The following AFMID variants were observed in gnomAD, a reference collection of about 807,000 sequenced individuals.
AFMID encodes kynurenine formamidase.
In AFMID, 39 loss-of-function variants were observed where a neutral mutation model predicts 47.5. The observed-to-expected ratio is 0.82, with a 90% confidence interval of 0.64 to 1.07. The LOEUF (loss-of-function observed/expected upper bound fraction) is 1.07, where lower values mean the gene tolerates loss of function less well. AFMID is among the 50% of genes least tolerant of loss of function. AFMID has a pLI of 0.00. For missense variants in AFMID, 375 were observed against 387.5 expected (o/e 0.97, Z 0.27); for synonymous variants, 130 against 153.2 (o/e 0.85, Z 1.12).
intron 10 of AFMID, among the ~76,000 whole-genome samples, chr17:78,206,593 G>C (rs1440080871): frequency 6.6e-6 from 1 of 151,676 alleles, no homozygotes; most frequent in African/African-American, 2.4e-5. Flanking sequence ...GTTTTGTAGA[G>C]ATGGGGTCTC....
intron 2 of AFMID, among the ~76,000 whole-genome samples, chr17:78,200,464 A>G (rs1477993933): frequency 6.6e-6 from 1 of 152,198 alleles, no homozygotes; most frequent in Non-Finnish European, 1.5e-5. Flanking sequence ...TTATTTGGAA[A>G]GACCATCTTT....
rs142920807 is a variant in AFMID, at chr17:78,198,740, C to T, written c.155-3759C>T. On this transcript the variant is annotated intron_variant, in intron 2 of 10. Coordinates refer to ENST00000409257, the MANE Select transcript of AFMID (RefSeq NM_001010982.5). ...AGGAGAATCACTTGAACCCCAGAGGCGGAGGTTGCAGTGAGCCAAGATTGC... is the reference window on the plus strand; with the variant it reads ...AGGAGAATCACTTGAACCCCAGAGGTGGAGGTTGCAGTGAGCCAAGATTGC... Among the ~76,000 whole-genome samples the T allele has an allele frequency of 3.3e-5, 5 of 152,122 alleles. No homozygotes were observed. In the East Asian group the frequency reaches 7.7e-4, roughly 24 times the overall value.
chr17:78,194,772 G>A (rs1048014620), intron 2 of AFMID, among the ~76,000 whole-genome samples: 2 of 151,890 alleles, frequency 1.3e-5, no homozygotes, highest in African/African-American at 2.4e-5. Context: ...TCGGCTCACC[G>A]CAACCTCCGC....
chr17:78,187,982 A>AAAAAAAAAAAAAC (rs2075846761), intron 1 of AFMID, among the ~76,000 whole-genome samples: 1 of 150,618 alleles, frequency 6.6e-6, no homozygotes, highest in Admixed American at 6.6e-5. Context: ...AAAAAAAAAA[A>AAAAAAAAAAAAAC]AAAAAAATCC....
At chr17:78,195,319 C>T (rs1471012897) in intron 2 of AFMID, among the ~76,000 whole-genome samples, 5 of 151,636 alleles carry the variant, frequency 3.3e-5, no homozygotes, top group East Asian at 1.9e-4. Flanking sequence ...CTCAGCTGCC[C>T]GAATAGCTGG....
intron 2 of AFMID, among the ~76,000 whole-genome samples, chr17:78,196,164 C>T (rs1385577171): frequency 1.3e-5 from 2 of 151,438 alleles, no homozygotes; most frequent in East Asian, 2.0e-4. Flanking sequence ...CAAGAGTTCA[C>T]GGCCAGCCTG....
intron 2 of AFMID, among the ~76,000 whole-genome samples, chr17:78,201,982 G>A (rs761021853): frequency 4.6e-5 from 7 of 151,514 alleles, no homozygotes; most frequent in South Asian, 2.1e-4. Context: ...CACCCGCCTC[G>A]GCCTCCCAGA....
chr17:78,199,314 G>A (rs1045074486), intron 2 of AFMID, among the ~76,000 whole-genome samples: 7 of 152,104 alleles, frequency 4.6e-5, no homozygotes, highest in African/African-American at 1.2e-4. Flanking sequence ...TTCCTCTGCC[G>A]TGTTTACCCT....
chr17:78,190,198 G>A (rs1407090573), intron 1 of AFMID, among the ~76,000 whole-genome samples: 1 of 151,300 alleles, frequency 6.6e-6, no homozygotes, highest in Non-Finnish European at 1.5e-5. Flanking sequence ...TCTGCATAAA[G>A]TGTGAAGGTG....
At position 78,205,109 on chromosome 17, in the gene AFMID, G is replaced by T; in HGVS notation, c.484G>T (p.Gly162Ter). Residue 162 changes from glycine to a stop codon, truncating the protein, a stop_gained, in exon 7 of 11, where the codon GGA (glycine) becomes TGA (stop). Coordinates refer to ENST00000409257, the MANE Select transcript of AFMID (RefSeq NM_001010982.5). LOFTEE classifies it high-confidence loss of function. The part of the protein sequence containing the change: ...YPSNKGIYLC[G>*]HSAGAHLAAM... ...CCCTCCCAGGGGAATTTACCTGTGT[G>T]GACACTCAGCCGGGGCCCACCTGGC... 1 of 1,611,784 alleles carries T rather than the reference G, an allele frequency of 6.2e-7. No homozygotes were observed.
At chr17:78,189,679 C>T (rs537057742) in intron 1 of AFMID, among the ~76,000 whole-genome samples, 4 of 151,550 alleles carry the variant, frequency 2.6e-5, no homozygotes, top group South Asian at 4.2e-4. Context: ...CCACCATGCC[C>T]GGTTGATTTT....
chr17:78,202,763 G>A lies in AFMID; in HGVS notation c.308+12G>A. ...TGGCAGAGCGGAAGGTGAGTCGGGG[G>A]ATGTGGATGGTGGACTGCAAGAGAG... On this transcript the variant is annotated intron_variant, in intron 4 of 10. Coordinates refer to ENST00000409257, the MANE Select transcript of AFMID (RefSeq NM_001010982.5). 6.4e-7 allele frequency: 1 copy of A among 1,554,436 alleles called. No individual in the cohort carries two copies. The highest frequency in any genetic ancestry group is 2.4e-5 in the East Asian group (1 of 41,544).
chr17:78,206,882 G>A (rs370220565), intron 10 of AFMID, 29 bp from the exon 11 acceptor site: 13 of 1,613,000 alleles, frequency 8.1e-6, no homozygotes, highest in Non-Finnish European at 1.0e-5. Flanking sequence ...CTGATTCTGG[G>A]GCTTTTGTGT....
intron 2 of AFMID, chr17:78,192,607 C>A (rs778607220): frequency 1.1e-5 from 5 of 470,824 alleles, no homozygotes; most frequent in Non-Finnish European, 2.2e-5. Context: ...AGCCACCGTG[C>A]CTGGACTTTC....
intron 8 of AFMID, 35 bp downstream of exon 8, chr17:78,205,553 C>T: frequency 1.2e-6 from 2 of 1,614,006 alleles, no homozygotes; most frequent in Admixed American, 1.7e-5. Context: ...CCTGGCTCAC[C>T]AGGAGCCTGG....
At chr17:78,196,130 A>T (rs2076106584) in intron 2 of AFMID, among the ~76,000 whole-genome samples, 1 of 152,186 alleles carries the variant, frequency 6.6e-6, no homozygotes, top group South Asian at 2.1e-4. Context: ...TTGGGAGGCC[A>T]AGGCGGTGGG....
At chr17:78,187,960 C>CAAAAAAAAAAAAAAAAAAAAAAAAAAA (rs34018698) in intron 1 of AFMID, among the ~76,000 whole-genome samples, 3 of 56,662 alleles carry the variant, frequency 5.3e-5, no homozygotes, top group African/African-American at 1.5e-4. Flanking sequence ...GACTTAGTCT[C>CAAAAAAAAAAAAAAAAAAAAAAAAAAA]AAAAAAAAAA....
chr17:78,197,326 C>A, intron 2 of AFMID: 1 of 901,730 alleles, frequency 1.1e-6, no homozygotes, highest in Non-Finnish European at 1.7e-6. Flanking sequence ...GAATTCTACC[C>A]CTGAGAGTGC....
chr17:78,204,733 C>A lies in AFMID; in HGVS notation c.386C>A (p.Ala129Asp), dbSNP rs756598549. The A allele has an allele frequency of 1.2e-5, 20 of 1,614,172 alleles. No homozygotes were observed. In the South Asian group the frequency reaches 2.2e-4, roughly 18 times the overall value. ...VAVVIVAYGI[A>D]PKGTLDHMVD... ...GTGGTAATAGTGGCTTACGGCATCG[C>A]CCCCAAAGGTAATAGGAGTGGTTGC... The change falls in exon 5 of 11, where the codon GCC becomes GAC. Residue 129 changes from alanine (A) to aspartate (D), a missense_variant. By Grantham distance (126) the Ala-to-Asp change is moderately radical (BLOSUM62 -2). Coordinates refer to ENST00000409257, the MANE Select transcript of AFMID (RefSeq NM_001010982.5).
Sources: gnomAD v4.1 joint callset for allele counts (sites outside exome capture counted in the v4.1 genomes callset) on GRCh38, gnomAD v4.1.1 for gene constraint, MANE v1.5 for transcripts, NCBI Gene and HGNC (gene_info 2026-07-23, HGNC 2026-07-21) for gene names.